EDA: variants seen among roughly 807,000 people sequenced by gnomAD.
EDA encodes ectodysplasin A.
In EDA, 2 loss-of-function variants were observed where a neutral mutation model predicts 23.6. The ratio of observed to expected loss-of-function variants is 0.08; its 90% confidence interval spans 0.03 to 0.27. The LOEUF (loss-of-function observed/expected upper bound fraction) is 0.27. EDA is among the 10% of genes least tolerant of loss of function. The pLI, the probability that EDA is intolerant of heterozygous loss-of-function variation, is 1.00. For missense variants in EDA, 229 were observed against 324.2 expected (o/e 0.71, Z 2.26); for synonymous variants, 131 against 132.0 (o/e 0.99, Z 0.05).
At chrX:69,934,658 T>C (rs933164433) in intron 1 of EDA, among the ~76,000 whole-genome samples, 1 of 111,534 alleles carries the variant, frequency 9.0e-6, no homozygotes, top group Non-Finnish European at 1.9e-5. Flanking sequence ...AGTAGGTATA[T>C]ATATATTTAT....
chrX:69,875,998 A>C (rs1219404716), intron 1 of EDA, among the ~76,000 whole-genome samples: 1 of 112,134 alleles, frequency 8.9e-6, no homozygotes, highest in Non-Finnish European at 1.9e-5. Flanking sequence ...AGATATTGGC[A>C]TGGACATGGT....
intron 1 of EDA, among the ~76,000 whole-genome samples, chrX:69,783,228 G>A (rs1339372852): frequency 9.0e-6 from 1 of 110,865 alleles, no homozygotes; most frequent in Non-Finnish European, 1.9e-5. Flanking sequence ...TAAAGAAGAT[G>A]GAAATCTTTA....
chrX:69,885,275 A>G (rs1383925302), intron 1 of EDA, among the ~76,000 whole-genome samples: 1 of 111,816 alleles, frequency 8.9e-6, no homozygotes, highest in Non-Finnish European at 1.9e-5. Context: ...TTGTTGTGAA[A>G]CCATTACCAC....
intron 1 of EDA, among the ~76,000 whole-genome samples, chrX:69,884,654 C>G (rs1191660580): frequency 8.9e-6 from 1 of 111,959 alleles, no homozygotes; most frequent in Non-Finnish European, 1.9e-5. Flanking sequence ...TAGTGTTATT[C>G]TATTTTATTG....
intron 1 of EDA, among the ~76,000 whole-genome samples, chrX:69,942,616 G>A (rs1418398227): frequency 9.0e-6 from 1 of 111,028 alleles, no homozygotes; most frequent in Admixed American, 9.6e-5. Context: ...GCTGCTTTCA[G>A]GATCCTTTCT....
chrX:69,632,149 C>A (rs1395715202), intron 1 of EDA, among the ~76,000 whole-genome samples: 2 of 111,704 alleles, frequency 1.8e-5, no homozygotes, highest in Non-Finnish European at 3.8e-5. Context: ...AATAGGAAAT[C>A]TAGGTGCCTG....
At chrX:69,830,143 A>G (rs942413319) in intron 1 of EDA, among the ~76,000 whole-genome samples, 3 of 109,820 alleles carry the variant, frequency 2.7e-5, no homozygotes, top group African/African-American at 1.0e-4. Flanking sequence ...CATTTTTTCT[A>G]TTTATCTTAA....
intron 1 of EDA, among the ~76,000 whole-genome samples, chrX:69,802,753 G>T (rs2015722454): frequency 9.0e-6 from 1 of 111,380 alleles, no homozygotes; most frequent in Non-Finnish European, 1.9e-5. Context: ...CTTGTCAATG[G>T]CTGTCTGGCA....
intron 1 of EDA, among the ~76,000 whole-genome samples, chrX:69,661,460 TA>T (rs1933503291): frequency 1.8e-5 from 2 of 109,013 alleles, no homozygotes; most frequent in South Asian, 7.9e-4. Context: ...GGTTTTCTTC[TA>T]GGGTTTTTAT....
chrX:69,654,959 T>TA (rs1347005869), intron 1 of EDA, among the ~76,000 whole-genome samples: 85 of 102,685 alleles, frequency 8.3e-4, no homozygotes, highest in African/African-American at 1.3e-3. Flanking sequence ...ACAATACAAT[T>TA]AAAAAAAAAA....
chrX:69,924,428 T>G (rs1008112259), intron 1 of EDA, among the ~76,000 whole-genome samples: 4 of 112,586 alleles, frequency 3.6e-5, no homozygotes, highest in African/African-American at 1.3e-4. Flanking sequence ...TGCCTCTTTT[T>G]GTCAGGCTTG....
At chrX:69,997,531 C>T (rs1465137198) in intron 2 of EDA, among the ~76,000 whole-genome samples, 1 of 112,561 alleles carries the variant, frequency 8.9e-6, no homozygotes, top group Non-Finnish European at 1.9e-5. Flanking sequence ...AAAGAAAATT[C>T]CATTTTCTGA....
chrX:69,841,101 A>C (rs1327292806), intron 1 of EDA, among the ~76,000 whole-genome samples: 1 of 112,421 alleles, frequency 8.9e-6, no homozygotes, highest in Non-Finnish European at 1.9e-5. Context: ...AAAGTAATTC[A>C]GTATGTGTAT....
chrX:69,837,529 AT>A (rs1482844395), intron 1 of EDA, among the ~76,000 whole-genome samples: 1 of 112,328 alleles, frequency 8.9e-6, no homozygotes, highest in African/African-American at 3.2e-5. Context: ...GTTGCATATG[AT>A]TTTTTTGTTA....
At chrX:69,634,882 A>G (rs1932738563) in intron 1 of EDA, among the ~76,000 whole-genome samples, 3 of 112,281 alleles carry the variant, frequency 2.7e-5, no homozygotes, top group South Asian at 7.4e-4. Flanking sequence ...CTGTTGTAAC[A>G]TTGTAGTACA....
At chrX:69,988,843 G>A (rs112685596) in intron 2 of EDA, among the ~76,000 whole-genome samples, 4,925 of 110,489 alleles carry the variant, frequency 0.045, 277 homozygotes, top group African/African-American at 0.15. Flanking sequence ...GCAAGAGAGC[G>A]AGACTCCATC....
At chrX:69,759,876 TAA>T (rs1186359147) in intron 1 of EDA, among the ~76,000 whole-genome samples, 1 of 108,970 alleles carries the variant, frequency 9.2e-6, no homozygotes, top group Non-Finnish European at 1.9e-5. Context: ...TAAAAATGGG[TAA>T]AGAGATCAGA....
chrX:69,885,791 G>A (rs986480312), intron 1 of EDA, among the ~76,000 whole-genome samples: 1 of 111,761 alleles, frequency 8.9e-6, no homozygotes, highest in Admixed American at 9.5e-5. Context: ...CCATCTACCT[G>A]TGGGCTCAGC....
chrX:69,894,850 A>G (rs187774758), intron 1 of EDA, among the ~76,000 whole-genome samples: 48 of 111,816 alleles, frequency 4.3e-4, no homozygotes, highest in African/African-American at 1.5e-3. Flanking sequence ...TATTGTCTGC[A>G]AACAGAGATA....
Sources: allele counts gnomAD v4.1 joint callset (sites outside exome capture counted in the v4.1 genomes callset), GRCh38; gene constraint gnomAD v4.1.1; transcripts MANE v1.5; gene names NCBI Gene and HGNC (gene_info 2026-07-23, HGNC 2026-07-21).